The following CLCN2 variants were observed in gnomAD, a reference collection of about 807,000 sequenced individuals.
CLCN2 encodes the protein chloride channel protein 2.
A neutral mutation model predicts 108.3 loss-of-function variants in CLCN2; 72 were observed. The observed-to-expected ratio is 0.66, with a 90% CI of 0.55 to 0.81. The LOEUF (loss-of-function observed/expected upper bound fraction) is 0.81, where lower values mean the gene tolerates loss of function less well. Among genes scored for constraint, CLCN2 ranks in the 30% least tolerant of loss-of-function variants. The pLI is 0.00. For synonymous variants in CLCN2, 471 were observed against 467.1 expected (o/e 1.01, Z -0.11); for missense variants, 1,048 against 1,205.2 (o/e 0.87, Z 1.93).
At chr3:184,359,941 A>G (rs943411166) in intron 1 of CLCN2, among the ~76,000 whole-genome samples, 4 of 115,202 alleles carry the variant, frequency 3.5e-5, no homozygotes, top group Non-Finnish European at 6.7e-5. Context: ...TCTGGCTGCC[A>G]CCCGCAGAGC....
intron 18 of CLCN2, 88 bp downstream of exon 18, chr3:184,352,945 T>C: frequency 6.5e-7 from 1 of 1,527,260 alleles, no homozygotes; most frequent in Non-Finnish European, 9.1e-7. Flanking sequence ...CCAGCTGGGA[T>C]GTACCCCAGC....
At chr3:184,359,733 A>C (rs1003661056) in intron 1 of CLCN2, among the ~76,000 whole-genome samples, 6 of 152,118 alleles carry the variant, frequency 3.9e-5, no homozygotes, top group African/African-American at 1.2e-4. Context: ...CCTCTCACTT[A>C]GGGTGGGTGG....
intron 15 of CLCN2, 95 bp downstream of exon 15, chr3:184,354,006 G>T: frequency 7.0e-7 from 1 of 1,419,876 alleles, no homozygotes; most frequent in Non-Finnish European, 9.8e-7. Context: ...TCCCAGCTTC[G>T]TAGGCTCCAG....
chr3:184,353,765 C>A lies in CLCN2; in HGVS notation c.1752G>T (p.Met584Ile), dbSNP rs1472205870. 5 of 1,606,952 alleles carry A rather than the reference C, an allele frequency of 3.1e-6. No individual in the cohort carries two copies. ...QQYRVRVEDI[M>I]VRDVPHVALS... is the part of the protein sequence containing the mutation. ...GGGCCACATGGGGAACATCCCGCAC[C>A]ATGATGTCCTCCACACGCACCCGGT... The change falls in exon 16 of 24, where the codon ATG (methionine) becomes ATT (isoleucine). Residue 584 changes from methionine to isoleucine, a missense_variant. By Grantham distance (10) the Met-to-Ile change is conservative. Transcript: ENST00000265593.
Position 184,361,317 on chromosome 3 carries a change from G to A in CLCN2, c.63+100C>T, listed in dbSNP as rs1577334142. 3.2e-6 allele frequency: 4 copies of A among 1,253,840 alleles called. No individual in the cohort carries two copies. Among genetic ancestry groups the A allele is most frequent in the East Asian group, 2.3e-5 (1 of 43,168 alleles). 77.7% of individuals were successfully genotyped at this position (1,253,840 alleles called of 1,614,324 possible). A position where few individuals can be genotyped will look rare whatever the true frequency, so the allele number is the denominator to read the frequency against. On this transcript the variant is annotated intron_variant, in intron 1 of 23. Coordinates refer to ENST00000265593, the MANE Select transcript of CLCN2 (RefSeq NM_004366.6). This position sits in a 1 kb window ranked among gnomAD's most constrained non-coding sequence, Gnocchi z 6.6. ...TCAGTTTCCCCAGCTCAAAATGCTA[G>A]GACAGGATTAGGGTAGGCCCCTGGT...
chr3:184,360,059 A>G (rs1577330010), intron 1 of CLCN2, among the ~76,000 whole-genome samples: 1 of 151,892 alleles, frequency 6.6e-6, no homozygotes, highest in Non-Finnish European at 1.5e-5. Flanking sequence ...CAAAGAGAAG[A>G]GAGGGAACTA....
rs374390315 is a variant in CLCN2, at chr3:184,353,017, G to A, written c.2143+16C>T. 66 of 1,607,612 alleles carry A rather than the reference G, an allele frequency of 4.1e-5. 1 individual carries two copies. The South Asian group carries it at 5.1e-4, about 12-fold the overall frequency. ...GCTTGGCTGAGGCTCTGTGGACACA[G>A]GAGACATGGGCTTACCTGTGGGACT... On this transcript the variant is annotated intron_variant, in intron 18 of 23. Transcript: ENST00000265593.
intron 2 of CLCN2, 44 bp downstream of exon 2, chr3:184,358,931 C>G: frequency 6.2e-7 from 1 of 1,613,488 alleles, no homozygotes; most frequent in African/African-American, 1.3e-5. Context: ...CTGCTTCCCT[C>G]AGCACAGCAC....
intron 10 of CLCN2, chr3:184,356,233 G>C (rs1467468182): frequency 8.5e-6 from 2 of 235,456 alleles, no homozygotes; most frequent in Non-Finnish European, 1.7e-5. Flanking sequence ...TAGGGAGCAG[G>C]TTCAGCTGGC....
intron 7 of CLCN2, 45 bp downstream of exon 7, chr3:184,357,575 A>G (rs762948752): frequency 6.2e-7 from 1 of 1,613,978 alleles, no homozygotes; most frequent in Non-Finnish European, 8.5e-7. Context: ...AGGAGAGGCC[A>G]AGGGCAGGGT....
chr3:184,348,988 G>C (rs1727900576), intron 22 of CLCN2: 1 of 152,046 alleles, frequency 6.6e-6, no homozygotes, highest in Non-Finnish European at 1.5e-5. Context: ...TGTCAAACTT[G>C]AGTACAGCCC....
intron 22 of CLCN2, 39 bp from the exon 23 acceptor site, chr3:184,347,060 G>A (rs562030902): frequency 1.9e-5 from 30 of 1,553,176 alleles, no homozygotes; most frequent in Admixed American, 1.2e-4. Context: ...CTTGATGGAC[G>A]AGGGGCAGCT....
chr3:184,361,260 C>T lies in CLCN2; in HGVS notation c.63+157G>A, dbSNP rs1712058907. Among the ~76,000 whole-genome samples the T allele has an allele frequency of 6.6e-6, 1 of 152,178 alleles. No homozygotes were observed. The highest frequency in any genetic ancestry group is 6.5e-5 in the Admixed American group (1 of 15,280). ...AGAAACCAGCATGCAGTTTTCCATC[C>T]CTTCGGCCCTGCAGCCTCAGACTTC... On this transcript the variant is annotated intron_variant, in intron 1 of 23. Coordinates refer to ENST00000265593, the MANE Select transcript of CLCN2 (RefSeq NM_004366.6). The surrounding 1 kb of genome is among the most constrained non-coding windows in gnomAD (Gnocchi z 6.6).
At position 184,355,006 on chromosome 3, in the gene CLCN2, G is replaced by C; in HGVS notation, c.1327-33C>G. The C allele has an allele frequency of 1.2e-6, 2 of 1,600,188 alleles. No individual in the cohort carries two copies. The highest frequency in any genetic ancestry group is 8.6e-7 in the Non-Finnish European group (1 of 1,167,844). ...CAGGGGGTGGTTCAAAGGCGAAGAG[G>C]CTCCACCTGGCCCCAGGCAGCCCAC... On this transcript the variant is annotated intron_variant, in intron 12 of 23. Transcript: ENST00000265593. This position sits in a 1 kb window ranked among gnomAD's most constrained non-coding sequence, Gnocchi z 6.3.
In CLCN2 at chr3:184,358,570, G is replaced by C. The variant is rs919981506; in HGVS notation, c.352+112C>G. The C allele has an allele frequency of 2.0e-5, 28 of 1,426,516 alleles. 1 individual carries two copies. The East Asian group carries it at 6.7e-4, about 34-fold the overall frequency. The allele number at this position is 1,426,516 out of a possible 1,614,324, so 88.4% of individuals were successfully genotyped here. On this transcript the variant is annotated intron_variant, in intron 3 of 23. Coordinates refer to ENST00000265593, the MANE Select transcript of CLCN2 (RefSeq NM_004366.6). ...AATCTGGGCAGTCAGACTGGCTGGG[G>C]AAAGTGGTCAGTGGCCAAGAAGCCA...
Position 184,361,347 on chromosome 3 carries a change from G to A in CLCN2, c.63+70C>T. On this transcript the variant is annotated intron_variant, in intron 1 of 23. Transcript: ENST00000265593. The surrounding 1 kb of genome is among the most constrained non-coding windows in gnomAD (Gnocchi z 6.6). ...GGATTAGGGTAGGCCCCTGGTCCTCGCGCTTCCCAGGGTAACCTGGAGCAG... is the reference window on the plus strand; with the variant it reads ...GGATTAGGGTAGGCCCCTGGTCCTCACGCTTCCCAGGGTAACCTGGAGCAG... The A allele has an allele frequency of 6.6e-7, 1 of 1,523,268 alleles. No individual in the cohort carries two copies. Among genetic ancestry groups the A allele is most frequent in the Non-Finnish European group, 9.1e-7 (1 of 1,098,144 alleles). 94.4% of individuals were successfully genotyped at this position (1,523,268 alleles called of 1,614,324 possible). A position where few individuals can be genotyped will look rare whatever the true frequency, so the allele number is the denominator to read the frequency against.
chr3:184,356,677 T>G, intron 10 of CLCN2: 1 of 364,682 alleles, frequency 2.7e-6, no homozygotes, highest in Non-Finnish European at 5.1e-6. Context: ...TCTATCCCCA[T>G]GGGTCATGGG....
intron 3 of CLCN2, 67 bp from the exon 4 acceptor site, chr3:184,358,377 G>A (rs1001581853): frequency 3.5e-5 from 57 of 1,605,924 alleles, no homozygotes; most frequent in Middle Eastern, 2.1e-4. Flanking sequence ...AGTGGACCAC[G>A]CTGATACGAC....
In CLCN2 at chr3:184,346,572, T is replaced by C. The variant is rs1047185774; in HGVS notation, c.*34A>G. On this transcript the variant is annotated 3_prime_UTR_variant, in exon 24 of 24. Coordinates refer to ENST00000265593, the MANE Select transcript of CLCN2 (RefSeq NM_004366.6). This position sits in a 1 kb window ranked among gnomAD's most constrained non-coding sequence, Gnocchi z 6.0. ...GATGCACATTCTGGGCTGACGGGCA[T>C]GGCTAGCACCATCCTAGGCCACCCA... is the stretch of plus-strand genomic sequence containing the variant. 5.6e-6 allele frequency: 9 copies of C among 1,611,104 alleles called. No individual in the cohort carries two copies. The highest frequency in any genetic ancestry group is 1.3e-5 in the African/African-American group (1 of 74,896).
Sources: allele counts gnomAD v4.1 joint callset (sites outside exome capture counted in the v4.1 genomes callset), GRCh38; gene constraint gnomAD v4.1.1; non-coding constraint Gnocchi (gnomAD v3.1); transcripts MANE v1.5; gene names NCBI Gene and HGNC (gene_info 2026-07-23, HGNC 2026-07-21).